DCC: variants seen among roughly 807,000 people sequenced by gnomAD.
The protein encoded by DCC is netrin receptor DCC.
DCC carries 58 observed loss-of-function variants against 172.5 expected under a neutral mutation model. The ratio of observed to expected loss-of-function variants is 0.34; its 90% CI spans 0.27 to 0.42. The LOEUF (loss-of-function observed/expected upper bound fraction) is 0.42. Ranked by LOEUF, DCC falls within the 10% of genes least tolerant of loss-of-function variation. DCC has a pLI of 1.00. For synonymous variants in DCC, 709 were observed against 644.5 expected, an observed-to-expected ratio of 1.10 and a Z score of -1.52; for missense variants, 1,740 against 1,791.0, an observed-to-expected ratio of 0.97 and a Z score of 0.51.
At chr18:53,468,148 C>T (rs2045646017) in intron 25 of DCC, 138 bp downstream of exon 25, 2 of 674,348 alleles carry the variant, frequency 3.0e-6, no homozygotes, top group Admixed American at 2.1e-5. Context: ...ATGACTAAAA[C>T]CGTATCATTA....
intron 1 of DCC, among the ~76,000 whole-genome samples, chr18:52,709,511 C>T (rs934207253): frequency 6.6e-5 from 10 of 152,184 alleles, no homozygotes; most frequent in Admixed American, 5.9e-4. Context: ...GCAGTGACAT[C>T]TCCCAGTGAC....
intron 15 of DCC, among the ~76,000 whole-genome samples, chr18:53,384,188 G>A (rs1907973416): frequency 6.6e-6 from 1 of 152,124 alleles, no homozygotes; most frequent in Non-Finnish European, 1.5e-5. Flanking sequence ...GTACTTGCAA[G>A]TGGATAAGTT....
intron 1 of DCC, among the ~76,000 whole-genome samples, chr18:52,647,414 T>A (rs1174611581): frequency 6.6e-6 from 1 of 152,204 alleles, no homozygotes; most frequent in Admixed American, 6.5e-5. Context: ...TCTTGCCATC[T>A]GGTGATAATG....
intron 7 of DCC, among the ~76,000 whole-genome samples, chr18:53,138,272 A>G (rs1349235457): frequency 1.3e-5 from 2 of 152,242 alleles, no homozygotes; most frequent in African/African-American, 2.4e-5. Context: ...AATGCTGTCA[A>G]TTTCCATCTT....
chr18:53,462,596 C>T (rs1010526399), intron 24 of DCC, among the ~76,000 whole-genome samples: 1 of 151,942 alleles, frequency 6.6e-6, no homozygotes, highest in Non-Finnish European at 1.5e-5. Context: ...AAATAAAGTG[C>T]ACAATAAAGG....
chr18:53,204,837 T>C (rs2055600064), intron 9 of DCC, among the ~76,000 whole-genome samples: 2 of 152,206 alleles, frequency 1.3e-5, no homozygotes, highest in South Asian at 4.1e-4. Context: ...ATGTACTTTC[T>C]CTTTTCCTTC....
At chr18:52,642,919 CTGGGATTACAGGCA>C (rs1458879629) in intron 1 of DCC, among the ~76,000 whole-genome samples, 1 of 152,192 alleles carries the variant, frequency 6.6e-6, no homozygotes, top group Admixed American at 6.5e-5. Flanking sequence ...TCCCAAAGTG[CTGGGATTACAGGCA>C]TGAGACGTTG....
intron 27 of DCC, among the ~76,000 whole-genome samples, chr18:53,508,745 T>C (rs1288007992): frequency 1.3e-5 from 2 of 152,188 alleles, no homozygotes; most frequent in Admixed American, 6.5e-5. Context: ...TTCATCACCT[T>C]ATGAGAGACG....
At chr18:52,785,734 C>T (rs1166070456) in intron 2 of DCC, among the ~76,000 whole-genome samples, 1 of 152,000 alleles carries the variant, frequency 6.6e-6, no homozygotes, top group African/African-American at 2.4e-5. Context: ...GAATAAGTGG[C>T]ATTGGATTTG....
At chr18:52,804,160 C>G (rs1568114678) in intron 2 of DCC, among the ~76,000 whole-genome samples, 1 of 152,122 alleles carries the variant, frequency 6.6e-6, no homozygotes, top group African/African-American at 2.4e-5. Flanking sequence ...CCACTAAAAC[C>G]AAAACAAATC....
chr18:52,748,782 G>C (rs895939732), intron 1 of DCC, among the ~76,000 whole-genome samples: 7 of 152,242 alleles, frequency 4.6e-5, no homozygotes, highest in African/African-American at 9.6e-5. Context: ...TCTCTGGGCG[G>C]AGAGGCGATC....
intron 21 of DCC, among the ~76,000 whole-genome samples, chr18:53,425,691 C>T (rs1474017816): frequency 1.3e-5 from 2 of 151,976 alleles, no homozygotes; most frequent in Non-Finnish European, 2.9e-5. Context: ...TATTTATTCA[C>T]CTATAATGCT....
intron 1 of DCC, among the ~76,000 whole-genome samples, chr18:52,413,437 T>A (rs532376831): frequency 6.8e-6 from 1 of 146,764 alleles, no homozygotes; most frequent in Admixed American, 6.9e-5. Context: ...CTATCTAATC[T>A]TTCTATCTTT....
At chr18:53,337,629 CACAA>C (rs2057606659) in intron 14 of DCC, among the ~76,000 whole-genome samples, 1 of 151,960 alleles carries the variant, frequency 6.6e-6, no homozygotes, top group Non-Finnish European at 1.5e-5. Flanking sequence ...CCTTTTTGCC[CACAA>C]AGGGCCATCT....
intron 1 of DCC, among the ~76,000 whole-genome samples, chr18:52,412,532 A>G (rs967618324): frequency 6.6e-6 from 1 of 152,136 alleles, no homozygotes; most frequent in African/African-American, 2.4e-5. Context: ...AATTTGATGA[A>G]ACATCAAATT....
chr18:52,373,827 C>G (rs934122053), intron 1 of DCC, among the ~76,000 whole-genome samples: 2 of 151,534 alleles, frequency 1.3e-5, no homozygotes, highest in Non-Finnish European at 1.5e-5. Context: ...CTGGATAGAT[C>G]ACAGGCTTTT....
At chr18:53,169,843 T>C (rs893867471) in intron 8 of DCC, among the ~76,000 whole-genome samples, 1 of 152,032 alleles carries the variant, frequency 6.6e-6, no homozygotes, top group Non-Finnish European at 1.5e-5. Context: ...TACAGAGGGG[T>C]ATGGACTACA....
intron 5 of DCC, among the ~76,000 whole-genome samples, chr18:53,059,625 A>G (rs1390189554): frequency 1.3e-5 from 2 of 152,142 alleles, no homozygotes; most frequent in East Asian, 1.9e-4. Flanking sequence ...TTCTAAAATA[A>G]TCAATACCCG....
At chr18:53,178,898 A>G in intron 8 of DCC, 64 bp from the exon 9 acceptor site, 4 of 1,587,778 alleles carry the variant, frequency 2.5e-6, no homozygotes, top group Non-Finnish European at 3.5e-6. Context: ...TGCACATCAA[A>G]TACAGATTTT....
Sources: gnomAD v4.1 joint callset for allele counts (sites outside exome capture counted in the v4.1 genomes callset) on GRCh38, gnomAD v4.1.1 for gene constraint, MANE v1.5 for transcripts, NCBI Gene and HGNC (gene_info 2026-07-23, HGNC 2026-07-21) for gene names.